SEC14L1: variants seen among roughly 807,000 people sequenced by gnomAD.
SEC14L1 encodes SEC14-like protein 1.
In SEC14L1, 48 loss-of-function variants were observed where a neutral mutation model predicts 85.3. The observed-to-expected ratio is 0.56, with a 90% CI of 0.45 to 0.72. SEC14L1 has a LOEUF of 0.72. Ranked by LOEUF, SEC14L1 falls within the 30% of genes least tolerant of loss-of-function variation. SEC14L1 has a pLI of 0.00. For missense variants in SEC14L1, 682 were observed against 921.4 expected (o/e 0.74, Z 3.36); for synonymous variants, 391 against 355.5 (o/e 1.10, Z -1.12).
intron 8 of SEC14L1, among the ~76,000 whole-genome samples, chr17:77,200,223 G>A (rs942033947): frequency 2.6e-5 from 4 of 152,072 alleles, no homozygotes; most frequent in Non-Finnish European, 5.9e-5. Flanking sequence ...TTTTTTTAGG[G>A]CAGTAATGTG....
intron 3 of SEC14L1, among the ~76,000 whole-genome samples, chr17:77,163,383 A>T (rs1013061908): frequency 8.5e-4 from 1 of 1,178 alleles, no homozygotes; most frequent in Admixed American, 0.015. Flanking sequence ...CTGTGACTCT[A>T]AGACTGGTTC....
chr17:77,129,099 G>A (rs1972538361), intron 3 of SEC14L1, among the ~76,000 whole-genome samples: 1 of 152,128 alleles, frequency 6.6e-6, no homozygotes. Flanking sequence ...CAACTAGAGC[G>A]GTAGGCGGGA....
chr17:77,154,058 A>T (rs1270004212), intron 3 of SEC14L1, among the ~76,000 whole-genome samples: 1 of 152,232 alleles, frequency 6.6e-6, no homozygotes, highest in Non-Finnish European at 1.5e-5. Context: ...AGAAATGTTC[A>T]GGAAAAACAA....
At chr17:77,161,478 A>G (rs975463062) in intron 3 of SEC14L1, among the ~76,000 whole-genome samples, 1 of 152,196 alleles carries the variant, frequency 6.6e-6, no homozygotes, top group Non-Finnish European at 1.5e-5. Context: ...AGCCTGGGCA[A>G]TAAAATGATA....
chr17:77,183,449 AATAG>A (rs1975134534), intron 3 of SEC14L1, among the ~76,000 whole-genome samples: 1 of 152,220 alleles, frequency 6.6e-6, no homozygotes, highest in Non-Finnish European at 1.5e-5. Context: ...ATTGCCTAAG[AATAG>A]ATATTCTTCT....
Position 77,203,569 on chromosome 17 carries a change from G to C in SEC14L1, c.1010-1G>C. On this transcript the variant is annotated splice_acceptor_variant, in intron 9 of 16. Transcript: ENST00000436233. LOFTEE classifies it high-confidence loss of function. Reference sequence around the variant, plus strand: ...AACTCATTCCTTCCCCTCCTCTGCAGATGGGCGGCCCCTCTACGTGCTCAG... The same window carrying C: ...AACTCATTCCTTCCCCTCCTCTGCACATGGGCGGCCCCTCTACGTGCTCAG... 1 of 1,613,496 alleles carries C rather than the reference G, an allele frequency of 6.2e-7. No individual in the cohort carries two copies. The highest frequency in any genetic ancestry group is 8.5e-7 in the Non-Finnish European group (1 of 1,179,770).
chr17:77,183,466 C>T (rs2143753473), intron 3 of SEC14L1, among the ~76,000 whole-genome samples: 1 of 152,298 alleles, frequency 6.6e-6, no homozygotes, highest in Admixed American at 6.5e-5. Context: ...ATTCTTCTGT[C>T]TAGCTGTGAT....
At chr17:77,142,427 G>A (rs961446075) in intron 1 of SEC14L1, among the ~76,000 whole-genome samples, 1 of 151,832 alleles carries the variant, frequency 6.6e-6, no homozygotes, top group Middle Eastern at 3.2e-3. Flanking sequence ...ATATGGTGGT[G>A]CGTGCCTGTG....
chr17:77,157,102 G>T (rs1973849647), intron 3 of SEC14L1, among the ~76,000 whole-genome samples: 1 of 152,068 alleles, frequency 6.6e-6, no homozygotes, highest in Non-Finnish European at 1.5e-5. Context: ...CATGAGGTAG[G>T]CCTAATCACA....
chr17:77,160,139 C>T (rs947721559), intron 3 of SEC14L1, among the ~76,000 whole-genome samples: 1 of 152,232 alleles, frequency 6.6e-6, no homozygotes, highest in Non-Finnish European at 1.5e-5. Context: ...CCTACTGACT[C>T]TGTGGAGTTA....
intron 3 of SEC14L1, among the ~76,000 whole-genome samples, chr17:77,146,723 C>T (rs1196987278): frequency 6.6e-5 from 10 of 151,752 alleles, no homozygotes; most frequent in East Asian, 1.9e-4. Context: ...AACACACAGA[C>T]GCACACACAC....
In SEC14L1 at chr17:77,191,238, C is replaced by T; in HGVS notation, c.271C>T (p.Arg91Cys). The T allele has an allele frequency of 6.2e-7, 1 of 1,613,440 alleles. No individual in the cohort carries two copies. The highest frequency in any genetic ancestry group is 8.5e-7 in the Non-Finnish European group (1 of 1,179,494). Reference sequence around the variant, plus strand: ...GAAAAACTCACTGAATTCTCGGGAACGTACTTTGCACATTGAGGCTTATAA... The same window carrying T: ...GAAAAACTCACTGAATTCTCGGGAATGTACTTTGCACATTGAGGCTTATAA... ...VQKNSLNSRE[R>C]TLHIEAYNET... The change falls in exon 5 of 17, where the codon CGT becomes TGT. Residue 91 changes from arginine (R) to cysteine (C), a missense_variant. Coordinates refer to ENST00000436233, the MANE Select transcript of SEC14L1 (RefSeq NM_001143998.2).
At chr17:77,164,113 G>GA (rs749980202) in intron 3 of SEC14L1, among the ~76,000 whole-genome samples, 46 of 152,318 alleles carry the variant, frequency 3.0e-4, no homozygotes, top group Non-Finnish European at 6.0e-4. Context: ...TACAACTGAG[G>GA]AAACAGGTTG....
intron 3 of SEC14L1, among the ~76,000 whole-genome samples, chr17:77,117,192 A>G (rs1418039778): frequency 6.6e-6 from 1 of 152,134 alleles, no homozygotes; most frequent in Non-Finnish European, 1.5e-5. Context: ...TACTAAAAAT[A>G]CAAAATTAGC....
intron 3 of SEC14L1, among the ~76,000 whole-genome samples, chr17:77,134,550 C>T (rs1972730348): frequency 1.3e-5 from 2 of 152,092 alleles, no homozygotes; most frequent in Admixed American, 1.3e-4. Flanking sequence ...AACCCCATCT[C>T]TACTTAAAAC....
chr17:77,102,228 G>T (rs1464575433), intron 3 of SEC14L1, among the ~76,000 whole-genome samples: 1 of 152,232 alleles, frequency 6.6e-6, no homozygotes, highest in Non-Finnish European at 1.5e-5. Context: ...AGTGGATACA[G>T]CCCATGCACT....
intron 3 of SEC14L1, among the ~76,000 whole-genome samples, chr17:77,163,481 TCTC>T (rs1974156554): frequency 6.6e-6 from 1 of 152,034 alleles, no homozygotes; most frequent in African/African-American, 2.4e-5. Flanking sequence ...TCTTTCTTTT[TCTC>T]CTCCTCTTCC....
chr17:77,103,807 T>A (rs1366089485), intron 3 of SEC14L1, among the ~76,000 whole-genome samples: 1 of 115,778 alleles, frequency 8.6e-6, no homozygotes, highest in Non-Finnish European at 1.9e-5. Context: ...GACACTGAGC[T>A]GCCAGAAGGC....
chr17:77,118,318 T>G (rs557054551), intron 3 of SEC14L1, among the ~76,000 whole-genome samples: 8 of 152,336 alleles, frequency 5.3e-5, no homozygotes, highest in African/African-American at 1.9e-4. Flanking sequence ...GATCTCTGAG[T>G]TTATCTCCCA....
Sources: allele counts gnomAD v4.1 joint callset (sites outside exome capture counted in the v4.1 genomes callset), GRCh38; gene constraint gnomAD v4.1.1; transcripts MANE v1.5; gene names NCBI Gene and HGNC (gene_info 2026-07-23, HGNC 2026-07-21).